The following ASTN1 variants were observed in gnomAD, a reference collection of about 807,000 sequenced individuals.
The protein encoded by ASTN1 is astrotactin-1.
In ASTN1, 41 loss-of-function variants were observed where a neutral mutation model predicts 140.7. The ratio of observed to expected loss-of-function variants is 0.29; its 90% CI spans 0.23 to 0.38. ASTN1 has a LOEUF of 0.38. Ranked by LOEUF, ASTN1 falls within the 10% of genes least tolerant of loss-of-function variation. The probability of loss-of-function intolerance (pLI) is 1.00; values close to 1 mark genes in which losing one functional copy is unlikely to be tolerated. For synonymous variants in ASTN1, 640 were observed against 652.2 expected, an observed-to-expected ratio of 0.98 and a Z score of 0.29; for missense variants, 1,479 against 1,678.8, an observed-to-expected ratio of 0.88 and a Z score of 2.08.
At chr1:177,147,125 A>C (rs181356912) in intron 1 of ASTN1, among the ~76,000 whole-genome samples, 133 of 152,256 alleles carry the variant, frequency 8.7e-4, no homozygotes, top group African/African-American at 2.8e-3. Flanking sequence ...TAAGACACCA[A>C]CAGTTTTTCC....
chr1:177,007,593 C>T (rs1307287485), intron 8 of ASTN1, among the ~76,000 whole-genome samples: 13 of 152,114 alleles, frequency 8.5e-5, no homozygotes, highest in Admixed American at 8.5e-4. Flanking sequence ...GTCAAATGTA[C>T]AGATTCTGGG....
At chr1:177,070,940 T>A (rs1298113050) in intron 1 of ASTN1, among the ~76,000 whole-genome samples, 1 of 152,188 alleles carries the variant, frequency 6.6e-6, no homozygotes, top group Non-Finnish European at 1.5e-5. Flanking sequence ...TTAATACTGT[T>A]TGTTGTCATT....
chr1:176,901,445 T>C (rs1221685335), intron 16 of ASTN1, among the ~76,000 whole-genome samples: 2 of 152,148 alleles, frequency 1.3e-5, no homozygotes, highest in Non-Finnish European at 2.9e-5. Context: ...GTGTCCTGGG[T>C]CAGTGAAACC....
chr1:177,084,405 C>A (rs1434682581), intron 1 of ASTN1, among the ~76,000 whole-genome samples: 2 of 152,152 alleles, frequency 1.3e-5, no homozygotes, highest in East Asian at 3.9e-4. Flanking sequence ...GTGTGTCCCC[C>A]CACAAAGAGA....
At chr1:177,066,242 C>T (rs1678346280) in intron 1 of ASTN1, among the ~76,000 whole-genome samples, 2 of 152,166 alleles carry the variant, frequency 1.3e-5, no homozygotes, top group South Asian at 4.1e-4. Flanking sequence ...GCCATGTTCC[C>T]ACTGGACCTC....
intron 2 of ASTN1, among the ~76,000 whole-genome samples, chr1:177,037,423 T>C (rs1401041294): frequency 6.6e-6 from 1 of 152,234 alleles, no homozygotes; most frequent in African/African-American, 2.4e-5. Context: ...AGAAACAGAA[T>C]GGGCAGTTAT....
intron 2 of ASTN1, among the ~76,000 whole-genome samples, chr1:177,038,479 A>G (rs1199779467): frequency 2.6e-5 from 4 of 152,150 alleles, no homozygotes; most frequent in Non-Finnish European, 5.9e-5. Context: ...ATAAAGAGGG[A>G]GGAAGGAAAG....
chr1:177,069,054 A>G (rs1467838995), intron 1 of ASTN1, among the ~76,000 whole-genome samples: 1 of 151,970 alleles, frequency 6.6e-6, no homozygotes, highest in Non-Finnish European at 1.5e-5. Flanking sequence ...ATCCCGGCTC[A>G]AGCAATCTGC....
At chr1:177,024,849 A>G (rs766136706) in intron 5 of ASTN1, 117 bp from the exon 6 acceptor site, 12 of 1,162,334 alleles carry the variant, frequency 1.0e-5, no homozygotes, top group Non-Finnish European at 1.4e-5. Context: ...AAACTAGCCC[A>G]TGGAGGGAAC....
At chr1:176,891,977 G>C (rs2103035866) in intron 17 of ASTN1, among the ~76,000 whole-genome samples, 1 of 152,326 alleles carries the variant, frequency 6.6e-6, no homozygotes, top group African/African-American at 2.4e-5. Context: ...TGAAGTAACA[G>C]CAGGACTTTT....
At position 177,092,625 on chromosome 1, in the gene ASTN1, AT is replaced by A. The variant is rs1360678052; in HGVS notation, c.284-31361del. 2.4e-4 allele frequency among the ~76,000 whole-genome samples: 36 copies of A among 152,112 alleles called. 1 individual carries two copies. Among genetic ancestry groups the A allele is most frequent in the Non-Finnish European group, 8.8e-5 (6 of 68,006 alleles). On this transcript the variant is annotated intron_variant, in intron 1 of 22. Coordinates refer to ENST00000361833, the MANE Select transcript of ASTN1 (RefSeq NM_004319.3). The stretch of plus-strand genomic sequence containing the variant: ...CTATATTGTCTTCTAATAGTTTCAT[AT>A]TTTTGGCACTTACATTTAGGTGTTT...
At chr1:177,084,496 T>C (rs1421698357) in intron 1 of ASTN1, among the ~76,000 whole-genome samples, 2 of 152,186 alleles carry the variant, frequency 1.3e-5, no homozygotes, top group Non-Finnish European at 2.9e-5. Flanking sequence ...GATCTATCTA[T>C]AAAAAAGGTG....
chr1:177,088,374 G>C (rs1262991222), intron 1 of ASTN1, among the ~76,000 whole-genome samples: 1 of 152,094 alleles, frequency 6.6e-6, no homozygotes, highest in African/African-American at 2.4e-5. Context: ...CCACAAAAGG[G>C]GAAATCGAGG....
chr1:177,016,474 C>T (rs1344272903), intron 7 of ASTN1, among the ~76,000 whole-genome samples: 1 of 151,866 alleles, frequency 6.6e-6, no homozygotes, highest in Non-Finnish European at 1.5e-5. Flanking sequence ...AGCTCTGAGC[C>T]AAAAATAGAA....
At chr1:176,888,227 G>T in intron 17 of ASTN1, 23 bp from the exon 18 acceptor site, 5 of 1,613,074 alleles carry the variant, frequency 3.1e-6, no homozygotes, top group Non-Finnish European at 3.4e-6. Flanking sequence ...ACAGGGAAAA[G>T]ATTGAGTGTT....
intron 1 of ASTN1, among the ~76,000 whole-genome samples, chr1:177,157,651 T>A (rs12084892): frequency 0.17 from 26,425 of 151,428 alleles, 4,936 homozygotes; most frequent in African/African-American, 0.47. Flanking sequence ...TATTTTTTTT[T>A]AAAAAAAAGG....
chr1:177,090,223 C>A (rs1329412644), intron 1 of ASTN1, among the ~76,000 whole-genome samples: 3 of 151,458 alleles, frequency 2.0e-5, no homozygotes, highest in Non-Finnish European at 4.4e-5. Flanking sequence ...CAATCAGTTA[C>A]CCACACACAG....
At chr1:176,912,383 G>A (rs1481745880) in intron 16 of ASTN1, among the ~76,000 whole-genome samples, 2 of 152,104 alleles carry the variant, frequency 1.3e-5, no homozygotes, top group Non-Finnish European at 2.9e-5. Context: ...TATTTATGAT[G>A]TTCATGGCAC....
chr1:177,139,685 GT>G (rs1682372632), intron 1 of ASTN1, among the ~76,000 whole-genome samples: 1 of 152,160 alleles, frequency 6.6e-6, no homozygotes, highest in Admixed American at 6.5e-5. Flanking sequence ...GACTCAAAGT[GT>G]TCATAACTCC....
Sources: allele counts gnomAD v4.1 joint callset (sites outside exome capture counted in the v4.1 genomes callset), GRCh38; gene constraint gnomAD v4.1.1; transcripts MANE v1.5; gene names NCBI Gene and HGNC (gene_info 2026-07-23, HGNC 2026-07-21).